Variants in KCNH3 observed in about 807,000 individuals in gnomAD.
The protein encoded by KCNH3 is potassium voltage-gated channel subfamily H member 3.
Under a neutral mutation model 95.6 loss-of-function variants are expected in KCNH3, and 36 were observed. The ratio of observed to expected loss-of-function variants is 0.38; its 90% CI spans 0.29 to 0.50. The LOEUF is 0.50. Among genes scored for constraint, KCNH3 ranks in the 20% least tolerant of loss-of-function variants. The pLI is 0.95. For missense variants in KCNH3, 1,030 were observed against 1,484.1 expected (o/e 0.69, Z 5.03); for synonymous variants, 620 against 646.3 (o/e 0.96, Z 0.62).
chr12:49,547,308 A>C (rs1479920398), intron 7 of KCNH3, among the ~76,000 whole-genome samples: 1 of 152,364 alleles, frequency 6.6e-6, no homozygotes, highest in South Asian at 2.1e-4. Context: ...TAATGCCCTC[A>C]GTGTTAACCC....
In KCNH3 at chr12:49,555,933, C is replaced by A; in HGVS notation, c.2450C>A (p.Pro817His). The part of the protein sequence containing the change: ...LRLPPMPWNV[P>H]PDLSPRVVDG... ...CTGCCCCCCATGCCATGGAATGTGCCCCCAGATCTGAGCCCCAGGTGAGCA... is the reference window on the plus strand; with the variant it reads ...CTGCCCCCCATGCCATGGAATGTGCACCCAGATCTGAGCCCCAGGTGAGCA... Residue 817 changes from proline (P) to histidine (H), a missense_variant, in exon 12 of 15, where the codon CCC (proline) becomes CAC (histidine). This residue lies in a region of KCNH3 where 464 missense variants were observed against 493.2 expected (regional missense o/e 0.94). Transcript: ENST00000257981. 1.3e-6 allele frequency: 2 copies of A among 1,555,414 alleles called. No individual in the cohort carries two copies. The highest frequency in any genetic ancestry group is 1.8e-6 in the Non-Finnish European group (2 of 1,139,456).
Position 49,539,454 on chromosome 12 carries a change from C to G in KCNH3, c.38C>G (p.Thr13Ser), listed in dbSNP as rs2138133706. Residue 13 changes from threonine to serine, a missense_variant, in exon 1 of 15, where the codon ACC becomes AGC. Thr to Ser is a moderately conservative substitution (Grantham distance 58, BLOSUM62 1). Around this residue, in one of 9 missense-constraint regions of KCNH3, gnomAD observed 26 missense variants for 35.1 expected, o/e 0.74. Transcript: ENST00000257981. The surrounding 1 kb of genome is among the most constrained non-coding windows in gnomAD (Gnocchi z 6.7). Reference protein sequence around the residue: ...AMRGLLAPQNTFLDTIATRFD... With the variant: ...AMRGLLAPQNSFLDTIATRFD... ...CGGGGCCTCCTGGCGCCGCAGAACA[C>G]CTTCCTGGACACCATCGCTACGCGC... The G allele has an allele frequency of 6.3e-7, 1 of 1,579,112 alleles. No individual in the cohort carries two copies. The highest frequency in any genetic ancestry group is 1.1e-5 in the South Asian group (1 of 87,240).
At chr12:49,557,051 G>A in intron 13 of KCNH3, 132 bp from the exon 14 acceptor site, 1 of 890,834 alleles carries the variant, frequency 1.1e-6, no homozygotes. Flanking sequence ...CCTTGGGCAA[G>A]GCCAGAAGAG....
rs1349797142 is a variant in KCNH3 at position 49,539,109 on chromosome 12, AG to A, written c.-307del. ...CGAAGCCGAGCGGAAGCCCACCCGC[AG>A]CCGACACGCGAGCCGCTGCCGCGGC... On this transcript the variant is annotated 5_prime_UTR_variant, in exon 1 of 15. Coordinates refer to ENST00000257981, the MANE Select transcript of KCNH3 (RefSeq NM_012284.3). The surrounding 1 kb of genome is among the most constrained non-coding windows in gnomAD (Gnocchi z 6.7). 6.6e-6 allele frequency: 1 copy of A among 152,474 alleles called. No homozygotes were observed. Among genetic ancestry groups the A allele is most frequent in the Non-Finnish European group, 1.5e-5 (1 of 68,300 alleles). The allele number at this position is 152,474 out of a possible 1,614,324, so 9.4% of individuals were successfully genotyped here. A position where few individuals can be genotyped will look rare whatever the true frequency, so the allele number is the denominator to read the frequency against.
In KCNH3 at chr12:49,555,909, T is replaced by C; in HGVS notation, c.2426T>C (p.Leu809Pro). The change falls in exon 12 of 15, where the codon CTG becomes CCG. Residue 809 changes from leucine (L) to proline (P), a missense_variant. This residue lies in a region of KCNH3 where 464 missense variants were observed against 493.2 expected (regional missense o/e 0.94). Transcript: ENST00000257981. Reference protein sequence around the residue: ...APPRALEGLRLPPMPWNVPPD... With the variant: ...APPRALEGLRPPPMPWNVPPD... The stretch of plus-strand genomic sequence containing the variant: ...CCACGGGCCCTAGAGGGGCTACGGC[T>C]GCCCCCCATGCCATGGAATGTGCCC... 1 of 1,584,026 alleles carries C rather than the reference T, an allele frequency of 6.3e-7. No homozygotes were observed.
chr12:49,539,849 G>A lies in KCNH3; in HGVS notation c.76+357G>A, dbSNP rs1038802079. On this transcript the variant is annotated intron_variant, in intron 1 of 14. Transcript: ENST00000257981. This position sits in a 1 kb window ranked among gnomAD's most constrained non-coding sequence, Gnocchi z 6.7. ...TACCCTCGGACTGGTGGGGTAAGGC[G>A]AGGCGGGTGAACAGTGCTCAGGGAC... Among the ~76,000 whole-genome samples the A allele has an allele frequency of 2.6e-5, 4 of 152,214 alleles. No individual in the cohort carries two copies. The highest frequency in any genetic ancestry group is 9.6e-5 in the African/African-American group (4 of 41,464).
At position 49,544,306 on chromosome 12, in the gene KCNH3, G is replaced by A. The variant is rs770307418; in HGVS notation, c.1113G>A (p.Ala371=). The part of the protein sequence containing the change: ...TLLMAVFALL[A]HWVACVWFYI... ...TCATGGCCGTGTTCGCCCTGCTCGC[G>A]CACTGGGTCGCCTGCGTCTGGTTTT... is the stretch of plus-strand genomic sequence containing the variant. The change falls in exon 7 of 15, where the codon GCG becomes GCA. Residue 371 remains alanine, a synonymous_variant. Transcript: ENST00000257981. The A allele has an allele frequency of 2.0e-5, 33 of 1,612,988 alleles. No individual in the cohort carries two copies. The highest frequency in any genetic ancestry group is 5.5e-5 in the South Asian group (5 of 91,054).
chr12:49,557,348 C>G lies in KCNH3; in HGVS notation c.2653-6C>G. On this transcript the variant is annotated splice_region_variant and splice_polypyrimidine_tract_variant and intron_variant, in intron 14 of 14. Transcript: ENST00000257981. ...ATTCTGACCTCGCCTCCTCCCTCCC[C>G]CAAAGGTGACAGAGCTGTCAGAGCA... is the stretch of plus-strand genomic sequence containing the variant. The G allele has an allele frequency of 6.2e-7, 1 of 1,608,748 alleles. No individual in the cohort carries two copies.
At chr12:49,551,154 G>T (rs1938243052) in intron 10 of KCNH3, among the ~76,000 whole-genome samples, 1 of 152,216 alleles carries the variant, frequency 6.6e-6, no homozygotes, top group South Asian at 2.1e-4. Flanking sequence ...GGGCTCCCAG[G>T]TGCTCTGGGG....
At chr12:49,549,223 C>T (rs376863635) in intron 8 of KCNH3, 50 bp downstream of exon 8, 7 of 1,531,712 alleles carry the variant, frequency 4.6e-6, no homozygotes, top group Middle Eastern at 4.0e-4. Context: ...GACTTCTGCC[C>T]GCAGGCGGCG....
In KCNH3 at chr12:49,554,455, C is replaced by A; in HGVS notation, c.2037C>A (p.His679Gln). 1 of 1,613,432 alleles carries A rather than the reference C, an allele frequency of 6.2e-7. No individual in the cohort carries two copies. The highest frequency in any genetic ancestry group is 8.5e-7 in the Non-Finnish European group (1 of 1,180,022). ...VLQCLQLAGLHDSLALYPEFA... is the reference protein window; with the variant it reads ...VLQCLQLAGLQDSLALYPEFA... ...AGTGTCTGCAGCTGGCTGGCCTGCA[C>A]GACAGCCTTGCGCTGTACCCCGAGT... The change falls in exon 11 of 15, where the codon CAC becomes CAA. Residue 679 changes from histidine to glutamine, a missense_variant. His to Gln is a conservative substitution (Grantham distance 24). Transcript: ENST00000257981.
chr12:49,547,249 C>T (rs1351177490), intron 7 of KCNH3, among the ~76,000 whole-genome samples: 1 of 152,180 alleles, frequency 6.6e-6, no homozygotes, highest in African/African-American at 2.4e-5. Flanking sequence ...TGAGCCCCCA[C>T]CTTGGTGCAG....
Position 49,555,958 on chromosome 12 carries a change from A to G in KCNH3, c.2468+7A>G. 3 of 1,433,786 alleles carry G rather than the reference A, an allele frequency of 2.1e-6. No homozygotes were observed. Among genetic ancestry groups the G allele is most frequent in the Non-Finnish European group, 2.9e-6 (3 of 1,039,668 alleles). 88.8% of individuals were successfully genotyped at this position (1,433,786 alleles called of 1,614,324 possible). A position where few individuals can be genotyped will look rare whatever the true frequency, so the allele number is the denominator to read the frequency against. Reference sequence around the variant, plus strand: ...CCCCAGATCTGAGCCCCAGGTGAGCAGACCCTAGGCCCCCGTGGCAGAGAT... The same window carrying G: ...CCCCAGATCTGAGCCCCAGGTGAGCGGACCCTAGGCCCCCGTGGCAGAGAT... On this transcript the variant is annotated splice_region_variant and intron_variant, in intron 12 of 14. Coordinates refer to ENST00000257981, the MANE Select transcript of KCNH3 (RefSeq NM_012284.3).
At chr12:49,554,964 G>T (rs1382796047) in intron 11 of KCNH3, among the ~76,000 whole-genome samples, 1 of 152,132 alleles carries the variant, frequency 6.6e-6, no homozygotes, top group Admixed American at 6.5e-5. Flanking sequence ...GTTCTGAGGG[G>T]CTTTTGAATT....
chr12:49,551,997 G>A (rs922229315), intron 10 of KCNH3, among the ~76,000 whole-genome samples: 3 of 152,234 alleles, frequency 2.0e-5, no homozygotes, highest in African/African-American at 7.2e-5. Context: ...GGGACAGGCT[G>A]TTCACACCCT....
At chr12:49,543,817 C>T (rs995525115) in intron 5 of KCNH3, 98 bp from the exon 6 acceptor site, 25 of 1,465,304 alleles carry the variant, frequency 1.7e-5, no homozygotes, top group African/African-American at 1.2e-4. Context: ...TGGGAAGGGC[C>T]GGGGACAGTG....
chr12:49,546,307 A>G lies in KCNH3; in HGVS notation c.1189+1925A>G, dbSNP rs550387320. 2.6e-5 allele frequency: 4 copies of G among 152,332 alleles called. No individual in the cohort carries two copies. The East Asian group carries it at 7.7e-4, about 29-fold the overall frequency. 9.4% of individuals were successfully genotyped at this position (152,332 alleles called of 1,614,324 possible). ...TTTGAGCCGGTACTAGTCTACATTTAGAGACTTTACAAGTTCTTCACATCA... is the reference window on the plus strand; with the variant it reads ...TTTGAGCCGGTACTAGTCTACATTTGGAGACTTTACAAGTTCTTCACATCA... On this transcript the variant is annotated intron_variant, in intron 7 of 14. Coordinates refer to ENST00000257981, the MANE Select transcript of KCNH3 (RefSeq NM_012284.3).
chr12:49,548,095 CGTGTGTGTGTGTGTGTGTGTGTGTGT>C (rs369626063), intron 7 of KCNH3, among the ~76,000 whole-genome samples: 12 of 146,616 alleles, frequency 8.2e-5, no homozygotes, highest in Non-Finnish European at 1.5e-4. Context: ...CCTGTGACTA[CGTGTGTGTGTGTGTGTGTGTGTGTGT>C]GTGTGTGTGT....
intron 7 of KCNH3, chr12:49,546,164 CCTT>C (rs1477563304): frequency 6.6e-6 from 1 of 152,190 alleles, no homozygotes; most frequent in African/African-American, 2.4e-5. Context: ...ATTAAGAAGA[CCTT>C]CAGCTCCCAA....
Sources: allele counts gnomAD v4.1 joint callset (sites outside exome capture counted in the v4.1 genomes callset), GRCh38; gene constraint gnomAD v4.1.1; regional missense constraint gnomAD v4.1.1; non-coding constraint Gnocchi (gnomAD v3.1); transcripts MANE v1.5; gene names NCBI Gene and HGNC (gene_info 2026-07-23, HGNC 2026-07-21).